The following HECW2 variants were observed in gnomAD, a reference collection of about 807,000 sequenced individuals.
HECW2 encodes the protein HECT, C2 and WW domain containing E3 ubiquitin protein ligase 2, also known as E3 ubiquitin-protein ligase HECW2.
HECW2 carries 61 observed loss-of-function variants against 175.2 expected under a neutral mutation model. The ratio of observed to expected loss-of-function variants is 0.35; its 90% confidence interval spans 0.28 to 0.43. HECW2 has a LOEUF of 0.43. Among genes scored for constraint, HECW2 ranks in the 20% least tolerant of loss-of-function variants. The pLI is 1.00. For synonymous variants in HECW2, 671 were observed against 731.0 expected, an observed-to-expected ratio of 0.92 and a Z score of 1.32; for missense variants, 1,524 against 2,000.5, an observed-to-expected ratio of 0.76 and a Z score of 4.54.
chr2:196,280,351 C>G (rs1690139361), intron 14 of HECW2, among the ~76,000 whole-genome samples: 1 of 152,110 alleles, frequency 6.6e-6, no homozygotes, highest in African/African-American at 2.4e-5. Flanking sequence ...ATATTTATGC[C>G]TATTTAGAAA....
chr2:196,240,278 TA>T, intron 21 of HECW2, 170 bp downstream of exon 21: 1 of 403,278 alleles, frequency 2.5e-6, no homozygotes. Flanking sequence ...TCAAGTGATT[TA>T]AAAGCCAGAG....
chr2:196,240,295 C>A (rs1414543151), intron 21 of HECW2, 154 bp downstream of exon 21: 6 of 427,610 alleles, frequency 1.4e-5, no homozygotes, highest in Non-Finnish European at 2.5e-5. Context: ...CAGAGGAGAC[C>A]TTTAAAAAAA....
At chr2:196,401,922 C>T (rs1005583425) in intron 2 of HECW2, among the ~76,000 whole-genome samples, 5 of 152,056 alleles carry the variant, frequency 3.3e-5, no homozygotes, top group African/African-American at 7.2e-5. Flanking sequence ...GGAAACTTGC[C>T]AGGCGCGGTG....
At chr2:196,289,204 G>A (rs1460906641) in intron 14 of HECW2, 1 of 152,160 alleles carries the variant, frequency 6.6e-6, no homozygotes, top group African/African-American at 2.4e-5. Flanking sequence ...GCAAATTTTA[G>A]CCTGAGAACA....
At chr2:196,561,243 A>T (rs1689990825) in intron 1 of HECW2, among the ~76,000 whole-genome samples, 1 of 152,212 alleles carries the variant, frequency 6.6e-6, no homozygotes, top group African/African-American at 2.4e-5. Context: ...CAGATAAGGG[A>T]TAAAACACGC....
intron 5 of HECW2, among the ~76,000 whole-genome samples, 181 bp from the exon 6 acceptor site, chr2:196,325,330 C>A (rs143431012): frequency 6.6e-6 from 1 of 152,144 alleles, no homozygotes. Flanking sequence ...TAAACAGAAA[C>A]GGCTCTGTAA....
In HECW2 at chr2:196,220,143, G is replaced by A. The variant is rs868330306; in HGVS notation, c.4304C>T (p.Ala1435Val). The A allele has an allele frequency of 6.2e-7, 1 of 1,609,744 alleles. No homozygotes were observed. ...LVRGFYEVVD[A>V]RLVSVFDARE... ...TGCATCAAAAACAGATACCAGCCTG[G>A]CATCCACCACCTGTGGAATAAAAAG... The change falls in exon 26 of 29, where the codon GCC (alanine) becomes GTC (valine). Residue 1435 changes from alanine (A) to valine (V), a missense_variant. By Grantham distance (64) the Ala-to-Val change is moderately conservative. This residue lies in a region of HECW2 where 134 missense variants were observed against 287.8 expected (regional missense o/e 0.47). Transcript: ENST00000644978.
intron 14 of HECW2, among the ~76,000 whole-genome samples, chr2:196,281,582 G>A (rs1690186955): frequency 7.6e-6 from 1 of 132,326 alleles, no homozygotes; most frequent in East Asian, 2.5e-4. Context: ...GGTGATTGCA[G>A]TGAGCCAAGA....
chr2:196,371,508 G>A (rs770565859), intron 2 of HECW2, among the ~76,000 whole-genome samples: 26 of 152,246 alleles, frequency 1.7e-4, no homozygotes, highest in Non-Finnish European at 2.8e-4. Context: ...ATGGGTAAGT[G>A]CTGGTCCATG....
chr2:196,379,630 A>G (rs569752611), intron 2 of HECW2, among the ~76,000 whole-genome samples: 1 of 148,090 alleles, frequency 6.8e-6, no homozygotes, highest in African/African-American at 2.6e-5. Context: ...GCTTGCAGTG[A>G]GCTGAGATCA....
intron 15 of HECW2, among the ~76,000 whole-genome samples, chr2:196,277,952 G>A (rs1220221254): frequency 8.9e-6 from 1 of 112,306 alleles, no homozygotes; most frequent in Admixed American, 1.1e-4. Flanking sequence ...CACAGGAAGG[G>A]GAACATCACA....
At chr2:196,223,820 G>A (rs768946891) in intron 23 of HECW2, among the ~76,000 whole-genome samples, 1 of 152,182 alleles carries the variant, frequency 6.6e-6, no homozygotes, top group South Asian at 2.1e-4. Flanking sequence ...ATAAGATAAG[G>A]GCTCTAACTA....
intron 1 of HECW2, among the ~76,000 whole-genome samples, chr2:196,443,916 T>C (rs949940607): frequency 2.0e-5 from 3 of 152,136 alleles, no homozygotes; most frequent in Non-Finnish European, 2.9e-5. Flanking sequence ...GCGCCTATAG[T>C]CCCAGCTACT....
chr2:196,386,370 G>A (rs977282248), intron 2 of HECW2, among the ~76,000 whole-genome samples: 5 of 152,172 alleles, frequency 3.3e-5, no homozygotes, highest in African/African-American at 1.2e-4. Flanking sequence ...AGAATTGAGT[G>A]AGGTCTTGGA....
chr2:196,213,439 G>A (rs867364952), intron 28 of HECW2, among the ~76,000 whole-genome samples: 5 of 152,120 alleles, frequency 3.3e-5, no homozygotes, highest in African/African-American at 7.2e-5. Flanking sequence ...GTGTCATAGG[G>A]CTTAGATCTG....
chr2:196,562,324 TA>T (rs1466966208), intron 1 of HECW2, among the ~76,000 whole-genome samples: 4 of 152,164 alleles, frequency 2.6e-5, no homozygotes, highest in African/African-American at 9.7e-5. Context: ...TATAAAGAAG[TA>T]AAACCACTTA....
intron 1 of HECW2, among the ~76,000 whole-genome samples, chr2:196,554,258 G>T (rs992672531): frequency 6.6e-6 from 1 of 151,990 alleles, no homozygotes; most frequent in Admixed American, 6.5e-5. Context: ...CCCGGAAGGC[G>T]GAGCTTGCAG....
chr2:196,280,513 G>A (rs1251762534), intron 14 of HECW2, among the ~76,000 whole-genome samples: 3 of 152,144 alleles, frequency 2.0e-5, no homozygotes, highest in East Asian at 1.9e-4. Flanking sequence ...GCAGAAAAAT[G>A]GACAGAACAG....
At chr2:196,388,306 A>T (rs985191252) in intron 2 of HECW2, among the ~76,000 whole-genome samples, 4 of 152,128 alleles carry the variant, frequency 2.6e-5, no homozygotes, top group Non-Finnish European at 5.9e-5. Context: ...AAAAAATTAC[A>T]ATTTTCTTAT....
Sources: allele counts gnomAD v4.1 joint callset (sites outside exome capture counted in the v4.1 genomes callset), GRCh38; gene constraint gnomAD v4.1.1; regional missense constraint gnomAD v4.1.1; transcripts MANE v1.5; gene names NCBI Gene and HGNC (gene_info 2026-07-23, HGNC 2026-07-21).